NALCN: variants seen among roughly 807,000 people sequenced by gnomAD.
The protein encoded by NALCN is sodium leak channel NALCN.
Under a neutral mutation model 225.3 loss-of-function variants are expected in NALCN, and 111 were observed. The observed-to-expected ratio is 0.49, with a 90% CI of 0.42 to 0.58. The LOEUF (loss-of-function observed/expected upper bound fraction) is 0.58. Among genes scored for constraint, NALCN ranks in the 20% least tolerant of loss-of-function variants. The probability of loss-of-function intolerance (pLI) is 0.00; values close to 1 mark genes in which losing one functional copy is unlikely to be tolerated. For missense variants in NALCN, 1,378 were observed against 2,202.4 expected, an observed-to-expected ratio of 0.63 and a Z score of 7.49; for synonymous variants, 764 against 769.0, an observed-to-expected ratio of 0.99 and a Z score of 0.11.
chr13:101,223,452 C>A (rs971035200), intron 13 of NALCN, among the ~76,000 whole-genome samples: 2 of 152,106 alleles, frequency 1.3e-5, no homozygotes, highest in African/African-American at 4.8e-5. Flanking sequence ...AACAAACGAG[C>A]CTCTAATGTC....
At chr13:101,247,799 A>G (rs2041944188) in intron 11 of NALCN, among the ~76,000 whole-genome samples, 1 of 151,654 alleles carries the variant, frequency 6.6e-6, no homozygotes, top group South Asian at 2.1e-4. Flanking sequence ...TCCTGATGCT[A>G]CCCCTCCCCC....
intron 40 of NALCN, among the ~76,000 whole-genome samples, chr13:101,064,988 C>A (rs2032249456): frequency 6.6e-6 from 1 of 152,162 alleles, no homozygotes; most frequent in Non-Finnish European, 1.5e-5. Flanking sequence ...CTCATCAGAC[C>A]CATGCAAGTG....
intron 10 of NALCN, among the ~76,000 whole-genome samples, chr13:101,279,844 T>TA (rs1234585442): frequency 1.1e-5 from 1 of 90,452 alleles, no homozygotes; most frequent in Non-Finnish European, 3.0e-5. Context: ...ATAAAATAAA[T>TA]AAATAAATAA....
rs776852220 is a variant in NALCN at position 101,237,925 on chromosome 13, A to G, written c.1267-3T>C. ...TCAAAAAGTACTGTAAAAGCCACCT[A>G]GAGAAACAAAGAAACATTGAAATTG... On this transcript the variant is annotated splice_polypyrimidine_tract_variant and splice_region_variant and intron_variant, in intron 11 of 43. Transcript: ENST00000251127. 2.1e-5 allele frequency: 33 copies of G among 1,592,396 alleles called. No individual in the cohort carries two copies. The highest frequency in any genetic ancestry group is 6.0e-6 in the Non-Finnish European group (7 of 1,171,498).
chr13:101,272,918 T>C (rs569745052), intron 10 of NALCN, among the ~76,000 whole-genome samples: 1 of 152,276 alleles, frequency 6.6e-6, no homozygotes, highest in South Asian at 2.1e-4. Context: ...AATCTTAGCC[T>C]TCAATGGAAA....
intron 9 of NALCN, among the ~76,000 whole-genome samples, chr13:101,285,157 C>A (rs1204525800): frequency 6.6e-6 from 1 of 152,122 alleles, no homozygotes; most frequent in South Asian, 2.1e-4. Context: ...GATCCCATTA[C>A]CTAGGATTTG....
chr13:101,350,021 T>C (rs1390365077), intron 6 of NALCN, among the ~76,000 whole-genome samples: 1 of 152,152 alleles, frequency 6.6e-6, no homozygotes, highest in Non-Finnish European at 1.5e-5. Context: ...CTCCAACATA[T>C]TCTCAAAATA....
intron 1 of NALCN, among the ~76,000 whole-genome samples, chr13:101,415,238 T>TATATATACA (rs2047908322): frequency 2.0e-5 from 3 of 149,130 alleles, no homozygotes; most frequent in African/African-American, 4.9e-5. Flanking sequence ...TACATATATA[T>TATATATACA]TTCAAAATCG....
In NALCN at chr13:101,062,982, C is replaced by T. The variant is rs111312579; in HGVS notation, c.4605-864G>A. Among the ~76,000 whole-genome samples the T allele has an allele frequency of 1.8e-3, 267 of 152,340 alleles. 1 individual carries two copies. Among genetic ancestry groups the T allele is most frequent in the African/African-American group, 6.2e-3 (258 of 41,586 alleles). The stretch of plus-strand genomic sequence containing the variant: ...CATTTAACCCTTGACACACAGCAGG[C>T]CCATGCAGTTGTAGGTAAAGCCAAC... On this transcript the variant is annotated intron_variant, in intron 40 of 43. Transcript: ENST00000251127.
At chr13:101,093,182 G>A (rs571897958) in intron 28 of NALCN, among the ~76,000 whole-genome samples, 2 of 152,258 alleles carry the variant, frequency 1.3e-5, no homozygotes, top group African/African-American at 2.4e-5. Flanking sequence ...TTACTGAGGT[G>A]ACTCATCAAG....
intron 7 of NALCN, among the ~76,000 whole-genome samples, chr13:101,302,891 G>GT (rs916233240): frequency 2.1e-4 from 31 of 149,298 alleles, no homozygotes; most frequent in South Asian, 4.2e-4. Flanking sequence ...ACTGGTTTAG[G>GT]TTTTTTTTTT....
chr13:101,374,877 A>G (rs1464760254), intron 6 of NALCN, among the ~76,000 whole-genome samples: 2 of 152,190 alleles, frequency 1.3e-5, no homozygotes, highest in Non-Finnish European at 2.9e-5. Context: ...ACATTATATA[A>G]TTATTAGGAG....
rs1410874802 is a variant in NALCN, at chr13:101,089,215, G to A, written c.3489+448C>T. On this transcript the variant is annotated intron_variant, in intron 30 of 43. Coordinates refer to ENST00000251127, the MANE Select transcript of NALCN (RefSeq NM_052867.4). The surrounding 1 kb of genome is among the most constrained non-coding windows in gnomAD (Gnocchi z 4.7). Reference sequence around the variant, plus strand: ...GCCCTGCCACAAAATCTTTTTTTCTGTGAATTAGGATTTTGAAATTTCTAC... The same window carrying A: ...GCCCTGCCACAAAATCTTTTTTTCTATGAATTAGGATTTTGAAATTTCTAC... Among the ~76,000 whole-genome samples, 1 of 152,044 alleles carries A rather than the reference G, an allele frequency of 6.6e-6. No homozygotes were observed. The highest frequency in any genetic ancestry group is 1.5e-5 in the Non-Finnish European group (1 of 67,994).
At chr13:101,293,656 A>G (rs1468831198) in intron 7 of NALCN, among the ~76,000 whole-genome samples, 2 of 152,172 alleles carry the variant, frequency 1.3e-5, no homozygotes, top group African/African-American at 2.4e-5. Flanking sequence ...TGTTTCTTTG[A>G]GCCTGTGCAT....
chr13:101,299,297 A>G (rs2043864409), intron 7 of NALCN, among the ~76,000 whole-genome samples: 1 of 152,246 alleles, frequency 6.6e-6, no homozygotes, highest in Non-Finnish European at 1.5e-5. Context: ...AGCCATTACA[A>G]AAGTACATTA....
intron 28 of NALCN, 84 bp downstream of exon 28, chr13:101,095,490 A>C: frequency 9.4e-7 from 1 of 1,061,722 alleles, no homozygotes; most frequent in South Asian, 1.5e-5. Context: ...AACTACTTTT[A>C]GTTACATGCC....
chr13:101,094,956 C>A (rs1390293878), intron 28 of NALCN, among the ~76,000 whole-genome samples: 1 of 152,034 alleles, frequency 6.6e-6, no homozygotes, highest in East Asian at 1.9e-4. Context: ...ACTCAGTTCA[C>A]CAATGACACA....
chr13:101,359,188 G>A (rs945741291), intron 6 of NALCN, among the ~76,000 whole-genome samples: 3 of 151,916 alleles, frequency 2.0e-5, no homozygotes, highest in African/African-American at 7.3e-5. Flanking sequence ...ACAACTTAAA[G>A]TAAAAATTTT....
At chr13:101,170,440 A>G (rs1232017022) in intron 15 of NALCN, among the ~76,000 whole-genome samples, 2 of 152,200 alleles carry the variant, frequency 1.3e-5, no homozygotes, top group East Asian at 3.8e-4. Flanking sequence ...TTCAAATGCA[A>G]ATCTTTCCAG....
Sources: allele counts gnomAD v4.1 joint callset (sites outside exome capture counted in the v4.1 genomes callset), GRCh38; gene constraint gnomAD v4.1.1; non-coding constraint Gnocchi (gnomAD v3.1); transcripts MANE v1.5; gene names NCBI Gene and HGNC (gene_info 2026-07-23, HGNC 2026-07-21).